The following ST3GAL3 variants were observed in gnomAD, a reference collection of about 807,000 sequenced individuals.
ST3GAL3 encodes the protein ST3 beta-galactoside alpha-2,3-sialyltransferase 3, also known as CMP-N-acetylneuraminate-beta-1,4-galactoside alpha-2,3-sialyltransferase.
A neutral mutation model predicts 50.1 loss-of-function variants in ST3GAL3; 21 were observed. The observed-to-expected ratio is 0.42, with a 90% CI of 0.30 to 0.60. ST3GAL3 has a LOEUF of 0.60. ST3GAL3 is among the 20% of genes least tolerant of loss of function. The pLI, the probability that ST3GAL3 is intolerant of heterozygous loss-of-function variation, is 0.19. For missense variants in ST3GAL3, 353 were observed against 489.4 expected (o/e 0.72, Z 2.63); for synonymous variants, 183 against 190.0 (o/e 0.96, Z 0.30).
At chr1:43,815,052 C>T (rs757034520) in intron 4 of ST3GAL3, 119 bp downstream of exon 4, 279 of 1,018,344 alleles carry the variant, frequency 2.7e-4, no homozygotes, top group Non-Finnish European at 4.0e-4. Flanking sequence ...CCTGGGGCCT[C>T]TGTCCTCAGG....
intron 1 of ST3GAL3, chr1:43,727,192 A>T (rs1673341769): frequency 6.6e-6 from 1 of 151,300 alleles, no homozygotes; most frequent in African/African-American, 2.4e-5. Context: ...CACTCTGAGC[A>T]TTTTCCCATT....
intron 7 of ST3GAL3, 68 bp downstream of exon 7, chr1:43,898,366 G>C: frequency 1.9e-6 from 3 of 1,549,516 alleles, no homozygotes; most frequent in African/African-American, 2.7e-5. Flanking sequence ...TTGAGGCCCA[G>C]CTGGCCTTCC....
chr1:43,723,791 T>C (rs1241851210), intron 1 of ST3GAL3, among the ~76,000 whole-genome samples: 1 of 151,996 alleles, frequency 6.6e-6, no homozygotes, highest in African/African-American at 2.4e-5. Flanking sequence ...TTCGTATTTT[T>C]AGTAGAGATG....
At chr1:43,886,037 T>C (rs1030336863) in intron 5 of ST3GAL3, among the ~76,000 whole-genome samples, 1 of 152,214 alleles carries the variant, frequency 6.6e-6, no homozygotes, top group Non-Finnish European at 1.5e-5. Flanking sequence ...CAGTAATATA[T>C]AGTTTCAAAT....
chr1:43,730,383 C>T (rs763412426), intron 1 of ST3GAL3, among the ~76,000 whole-genome samples: 3 of 151,972 alleles, frequency 2.0e-5, no homozygotes, highest in Non-Finnish European at 4.4e-5. Context: ...GCCACTTCTG[C>T]CCCCTTCTAA....
At chr1:43,763,718 T>G (rs1434932378) in intron 2 of ST3GAL3, among the ~76,000 whole-genome samples, 1 of 152,202 alleles carries the variant, frequency 6.6e-6, no homozygotes, top group African/African-American at 2.4e-5. Flanking sequence ...ACTCACTTAC[T>G]AGACCGTGGG....
In ST3GAL3 at chr1:43,788,940, G is replaced by GT. The variant is rs75212053; in HGVS notation, c.119-3148dup. Reference sequence around the variant, plus strand: ...GTTGGTCTTAATGGAAGAGTGGGAGGTTTTTTTTTTTTTTAATGCAAACCT... The same window carrying GT: ...GTTGGTCTTAATGGAAGAGTGGGAGGTTTTTTTTTTTTTTTAATGCAAACCT... On this transcript the variant is annotated intron_variant, in intron 2 of 11. Transcript: ENST00000347631. Among the ~76,000 whole-genome samples the GT allele has an allele frequency of 4.6e-3, 660 of 143,084 alleles. 1 individual carries two copies. Among genetic ancestry groups the GT allele is most frequent in the Non-Finnish European group, 3.8e-3 (248 of 65,074 alleles). The allele number at this position is 143,084 out of a possible 152,430, so 93.9% of individuals were successfully genotyped here.
chr1:43,905,194 A>C (rs1248842161), intron 9 of ST3GAL3, among the ~76,000 whole-genome samples: 85 of 25,204 alleles, frequency 3.4e-3, no homozygotes, highest in Admixed American at 6.2e-3. Flanking sequence ...TCTTCCTGCC[A>C]CTCTTCCTCC....
chr1:43,795,216 A>G (rs2058551685), intron 3 of ST3GAL3, among the ~76,000 whole-genome samples: 1 of 152,264 alleles, frequency 6.6e-6, no homozygotes, highest in African/African-American at 2.4e-5. Context: ...CTTAATCTGC[A>G]AATAACTATG....
intron 1 of ST3GAL3, among the ~76,000 whole-genome samples, chr1:43,727,602 G>A (rs971182294): frequency 1.3e-5 from 2 of 152,190 alleles, no homozygotes; most frequent in African/African-American, 4.8e-5. Flanking sequence ...GCATTCAGAA[G>A]GCAGGTGCCT....
intron 5 of ST3GAL3, chr1:43,850,583 G>A: frequency 2.7e-6 from 2 of 746,696 alleles, no homozygotes; most frequent in South Asian, 2.8e-5. Flanking sequence ...CATCTGGGCA[G>A]GTGTTCTTGT....
chr1:43,920,706 T>C, intron 10 of ST3GAL3, 76 bp from the exon 11 acceptor site: 20 of 1,612,370 alleles, frequency 1.2e-5, no homozygotes, highest in Non-Finnish European at 1.7e-5. Context: ...CTAGGGAGCT[T>C]GGCTGAAGTC....
intron 4 of ST3GAL3, among the ~76,000 whole-genome samples, chr1:43,822,069 ACAGT>A (rs1235248263): frequency 5.3e-5 from 8 of 152,338 alleles, no homozygotes; most frequent in African/African-American, 1.9e-4. Flanking sequence ...TTGCAATGGG[ACAGT>A]CAAAGTAGAA....
At chr1:43,846,558 G>A (rs180926483) in intron 5 of ST3GAL3, among the ~76,000 whole-genome samples, 199 of 152,312 alleles carry the variant, frequency 1.3e-3, no homozygotes, top group Admixed American at 4.1e-3. Context: ...TGTCCCACGG[G>A]TGGTTGGGGA....
chr1:43,821,751 C>T (rs2062126512), intron 4 of ST3GAL3, among the ~76,000 whole-genome samples: 1 of 152,118 alleles, frequency 6.6e-6, no homozygotes, highest in Non-Finnish European at 1.5e-5. Flanking sequence ...AGGATACCTC[C>T]AAGGAGGCAC....
intron 9 of ST3GAL3, among the ~76,000 whole-genome samples, chr1:43,915,568 A>G (rs1478892098): frequency 2.0e-5 from 3 of 152,042 alleles, no homozygotes; most frequent in Admixed American, 2.0e-4. Context: ...CTTGGGGTGG[A>G]GGGGGCGAGG....
intron 11 of ST3GAL3, among the ~76,000 whole-genome samples, chr1:43,924,664 C>T (rs2083597756): frequency 6.6e-6 from 1 of 152,178 alleles, no homozygotes; most frequent in African/African-American, 2.4e-5. Flanking sequence ...AACTCCTGAA[C>T]CAGATCTTTG....
intron 5 of ST3GAL3, among the ~76,000 whole-genome samples, chr1:43,881,034 G>A (rs1356278695): frequency 1.3e-5 from 2 of 150,908 alleles, no homozygotes; most frequent in African/African-American, 2.4e-5. Flanking sequence ...CCTTTGAGAC[G>A]GAGTCTCACT....
At chr1:43,836,002 C>T (rs1385715678) in intron 4 of ST3GAL3, among the ~76,000 whole-genome samples, 6 of 152,176 alleles carry the variant, frequency 3.9e-5, no homozygotes, top group Non-Finnish European at 7.3e-5. Flanking sequence ...GTTAAGAGTT[C>T]CTCCACTGGT....
Sources: allele counts gnomAD v4.1 joint callset (sites outside exome capture counted in the v4.1 genomes callset), GRCh38; gene constraint gnomAD v4.1.1; transcripts MANE v1.5; gene names NCBI Gene and HGNC (gene_info 2026-07-23, HGNC 2026-07-21).